Variants in TMEM117 observed in about 807,000 individuals in gnomAD.
The protein encoded by TMEM117 is transmembrane protein 117.
Under a neutral mutation model 52.4 loss-of-function variants are expected in TMEM117, and 27 were observed. That is an observed-to-expected ratio of 0.51 (90% CI 0.38 to 0.71). The LOEUF (loss-of-function observed/expected upper bound fraction) is 0.71, where lower values mean the gene tolerates loss of function less well. Among genes scored for constraint, TMEM117 ranks in the 30% least tolerant of loss-of-function variants. TMEM117 has a pLI of 0.00. For synonymous variants in TMEM117, 215 were observed against 206.3 expected, an observed-to-expected ratio of 1.04 and a Z score of -0.36; for missense variants, 556 against 630.5, an observed-to-expected ratio of 0.88 and a Z score of 1.26.
chr12:44,187,874 GATCT>G (rs1452895829), intron 4 of TMEM117, among the ~76,000 whole-genome samples: 4 of 152,014 alleles, frequency 2.6e-5, no homozygotes, highest in Non-Finnish European at 5.9e-5. Flanking sequence ...ACTTACCATT[GATCT>G]ATCTATTCAC....
intron 6 of TMEM117, among the ~76,000 whole-genome samples, chr12:44,332,480 A>G (rs2138727667): frequency 6.6e-6 from 1 of 152,182 alleles, no homozygotes; most frequent in East Asian, 1.9e-4. Flanking sequence ...TAATATGACC[A>G]CTGATAAAAT....
intron 6 of TMEM117, among the ~76,000 whole-genome samples, chr12:44,325,913 C>A (rs1951188934): frequency 6.6e-6 from 1 of 152,196 alleles, no homozygotes; most frequent in Non-Finnish European, 1.5e-5. Flanking sequence ...ATAATTCCAG[C>A]ACTCTGGGTG....
intron 5 of TMEM117, among the ~76,000 whole-genome samples, chr12:44,242,519 T>A (rs1023226503): frequency 6.6e-6 from 1 of 151,798 alleles, no homozygotes; most frequent in Non-Finnish European, 1.5e-5. Context: ...ATGTGCCACA[T>A]TTTCTTTATT....
At chr12:44,289,513 T>C (rs1950676543) in intron 5 of TMEM117, among the ~76,000 whole-genome samples, 1 of 151,220 alleles carries the variant, frequency 6.6e-6, no homozygotes, top group Non-Finnish European at 1.5e-5. Flanking sequence ...CCATTCCCAC[T>C]AACAATGTAA....
At chr12:44,115,389 A>G (rs919868791) in intron 3 of TMEM117, among the ~76,000 whole-genome samples, 1 of 152,196 alleles carries the variant, frequency 6.6e-6, no homozygotes, top group East Asian at 1.9e-4. Flanking sequence ...GCACACAAAC[A>G]TGGCACATGT....
intron 2 of TMEM117, among the ~76,000 whole-genome samples, chr12:43,892,188 A>G (rs1944118390): frequency 6.6e-6 from 1 of 152,212 alleles, no homozygotes; most frequent in African/African-American, 2.4e-5. Context: ...AACTAAGGGA[A>G]AAGGTGCGTG....
chr12:44,357,541 C>A (rs1414258339), intron 6 of TMEM117, among the ~76,000 whole-genome samples: 1 of 152,012 alleles, frequency 6.6e-6, no homozygotes, highest in South Asian at 2.1e-4. Flanking sequence ...GTAGAACATT[C>A]TAAGTGTCAG....
At chr12:44,194,712 T>A (rs1400776315) in intron 4 of TMEM117, among the ~76,000 whole-genome samples, 1 of 152,028 alleles carries the variant, frequency 6.6e-6, no homozygotes, top group Non-Finnish European at 1.5e-5. Context: ...ACACCTGTAG[T>A]CCCAGCTACT....
At chr12:43,806,001 A>G in the TMEM117 span, 1 of 1,530,700 alleles carries the variant, frequency 6.5e-7, no homozygotes. Context: ...TTTCGGATCA[A>G]TCTGCAACGT....
intron 3 of TMEM117, among the ~76,000 whole-genome samples, chr12:44,082,280 A>C (rs1947493742): frequency 6.6e-6 from 1 of 151,906 alleles, no homozygotes; most frequent in South Asian, 2.1e-4. Context: ...TCTTAGTCCA[A>C]ATTCAACATT....
chr12:44,078,437 G>A (rs1259862741), intron 3 of TMEM117, among the ~76,000 whole-genome samples: 1 of 152,136 alleles, frequency 6.6e-6, no homozygotes, highest in Non-Finnish European at 1.5e-5. Flanking sequence ...ACAGCATTTC[G>A]ACAGCATGTG....
At chr12:44,362,238 T>C (rs73088699) in intron 6 of TMEM117, among the ~76,000 whole-genome samples, 5,023 of 152,248 alleles carry the variant, frequency 0.033, 100 homozygotes, top group Middle Eastern at 0.13. Context: ...TCCATCTGTT[T>C]TGGTCCTGGT....
chr12:44,239,787 A>G (rs1424452016), intron 5 of TMEM117, among the ~76,000 whole-genome samples: 1 of 152,030 alleles, frequency 6.6e-6, no homozygotes, highest in South Asian at 2.1e-4. Flanking sequence ...ACACATACAC[A>G]TGCTCTCATA....
Position 44,024,695 on chromosome 12 carries a change from T to C in TMEM117, c.410+80353T>C, listed in dbSNP as rs139969663. On this transcript the variant is annotated intron_variant, in intron 3 of 7. Coordinates refer to ENST00000266534, the MANE Select transcript of TMEM117 (RefSeq NM_032256.3). Reference sequence around the variant, plus strand: ...AAACAAAGTGGAAGGATTGTGGTGATTGAAAGTCAAATTTACCCAAACGTT... The same window carrying C: ...AAACAAAGTGGAAGGATTGTGGTGACTGAAAGTCAAATTTACCCAAACGTT... 5.9e-3 allele frequency among the ~76,000 whole-genome samples: 891 copies of C among 152,134 alleles called. 8 individuals carry two copies. The highest frequency in any genetic ancestry group is 0.027 in the Middle Eastern group (8 of 294).
the TMEM117 span, among the ~76,000 whole-genome samples, chr12:44,397,084 T>A: frequency 6.6e-6 from 1 of 152,002 alleles, no homozygotes; most frequent in Non-Finnish European, 1.5e-5. Flanking sequence ...CCAGAAAAAC[T>A]TGAACAAAAC....
intron 3 of TMEM117, among the ~76,000 whole-genome samples, chr12:44,037,725 G>A (rs373335082): frequency 3.3e-5 from 5 of 152,122 alleles, no homozygotes; most frequent in African/African-American, 1.2e-4. Flanking sequence ...TCAAGTAGAT[G>A]ACTGAGATGA....
At chr12:44,144,452 A>G (rs1948613506) in intron 4 of TMEM117, among the ~76,000 whole-genome samples, 1 of 152,244 alleles carries the variant, frequency 6.6e-6, no homozygotes, top group Non-Finnish European at 1.5e-5. Flanking sequence ...GAGATATACC[A>G]GAAGGCAGAT....
Position 43,949,242 on chromosome 12 carries a change from T to C in TMEM117, c.410+4900T>C, listed in dbSNP as rs1945182096. On this transcript the variant is annotated intron_variant, in intron 3 of 7. Coordinates refer to ENST00000266534, the MANE Select transcript of TMEM117 (RefSeq NM_032256.3). ...AGAGCAAGAATGAAAGGAAGTACAG[T>C]ACACTTGGAAGAGGGCCAAGCGGAC... 3.3e-5 allele frequency among the ~76,000 whole-genome samples: 5 copies of C among 152,254 alleles called. No individual in the cohort carries two copies. The South Asian group carries it at 1.0e-3, about 32-fold the overall frequency.
chr12:44,338,961 G>A (rs1951379601), intron 6 of TMEM117, among the ~76,000 whole-genome samples: 1 of 152,070 alleles, frequency 6.6e-6, no homozygotes, highest in African/African-American at 2.4e-5. Flanking sequence ...CAAGAGAGCT[G>A]CTGCATCAGC....
Sources: gnomAD v4.1 joint callset for allele counts (sites outside exome capture counted in the v4.1 genomes callset) on GRCh38, gnomAD v4.1.1 for gene constraint, MANE v1.5 for transcripts, NCBI Gene and HGNC (gene_info 2026-07-23, HGNC 2026-07-21) for gene names.